The following STARD9 variants were observed in gnomAD, a reference collection of about 807,000 sequenced individuals.
STARD9 encodes the protein StAR related lipid transfer domain containing 9.
A neutral mutation model predicts 399.8 loss-of-function variants in STARD9; 346 were observed. That is an observed-to-expected ratio of 0.87 (90% CI 0.79 to 0.95). STARD9 has a LOEUF of 0.95. Ranked by LOEUF, STARD9 falls within the 40% of genes least tolerant of loss-of-function variation. The pLI is 0.00. For synonymous variants in STARD9, 2,203 were observed against 2,143.5 expected, an observed-to-expected ratio of 1.03 and a Z score of -0.77; for missense variants, 5,832 against 5,667.5, an observed-to-expected ratio of 1.03 and a Z score of -0.93.
chr15:42,695,862 C>G lies in STARD9; in HGVS notation c.13266C>G (p.Leu4422=). 2 of 1,537,144 alleles carry G rather than the reference C, an allele frequency of 1.3e-6. No individual in the cohort carries two copies. Among genetic ancestry groups the G allele is most frequent in the South Asian group, 2.4e-5 (2 of 84,042 alleles). ...YNSSPALSGQ[L]QFPENMGHTN... ...GCAGCCCAGCCTTGTCAGGCCAGCT[C>G]CAGTTCCCAGAGAATATGGTGAGTA... Residue 4422 remains leucine, a synonymous_variant, in exon 26 of 33, where the codon CTC becomes CTG. Coordinates refer to ENST00000290607, the MANE Select transcript of STARD9 (RefSeq NM_020759.3).
chr15:42,679,928 G>A (rs1195620760), intron 20 of STARD9, among the ~76,000 whole-genome samples: 1 of 152,168 alleles, frequency 6.6e-6, no homozygotes, highest in Non-Finnish European at 1.5e-5. Flanking sequence ...TACAGCGTAT[G>A]GGTCATACTG....
rs71108173 is a variant in STARD9 at position 42,620,727 on chromosome 15, CTTTTATTTTATTTTATTTTATTTTA to C, written c.235-14109_235-14085del. 8.3e-3 allele frequency among the ~76,000 whole-genome samples: 1,185 copies of C among 142,590 alleles called. 10 individuals carry two copies. Among genetic ancestry groups the C allele is most frequent in the African/African-American group, 0.028 (1,131 of 39,830 alleles). The allele number at this position is 142,590 out of a possible 152,430, so 93.5% of individuals were successfully genotyped here. A position where few individuals can be genotyped will look rare whatever the true frequency, so the allele number is the denominator to read the frequency against. On this transcript the variant is annotated intron_variant, in intron 3 of 32. Coordinates refer to ENST00000290607, the MANE Select transcript of STARD9 (RefSeq NM_020759.3). Reference sequence around the variant, plus strand: ...AGGCCAATTATTTTGTAGAATGTCCCTTTTATTTTATTTTATTTTATTTTATTTTATTTTATTTTATTTTGGAGAC... The same window carrying C: ...AGGCCAATTATTTTGTAGAATGTCCCTTTTATTTTATTTTATTTTGGAGAC...
At chr15:42,704,010 C>A (rs945057410) in intron 26 of STARD9, among the ~76,000 whole-genome samples, 3 of 152,062 alleles carry the variant, frequency 2.0e-5, no homozygotes, top group African/African-American at 7.2e-5. Flanking sequence ...CGGGTTCAAG[C>A]GATTCTCCTG....
At chr15:42,602,843 C>T (rs572280776) in intron 3 of STARD9, among the ~76,000 whole-genome samples, 1 of 152,204 alleles carries the variant, frequency 6.6e-6, no homozygotes, top group African/African-American at 2.4e-5. Flanking sequence ...GCCAAGACCC[C>T]CAACTCCTTC....
In STARD9 at chr15:42,682,543, A is replaced by G. The variant is rs1566931485; in HGVS notation, c.2505A>G (p.Arg835=). Residue 835 remains arginine (R), a synonymous_variant, in exon 22 of 33, where the codon AGA becomes AGG. Coordinates refer to ENST00000290607, the MANE Select transcript of STARD9 (RefSeq NM_020759.3). The stretch of plus-strand genomic sequence containing the variant: ...GTTGCAGTTCTTTGAGCCCCCAAAG[A>G]CTCTGCAGCAAGCACATGCCCCAGC... The part of the protein sequence containing the change: ...LTSCSSLSPQ[R]LCSKHMPQLH... The G allele has an allele frequency of 2.0e-6, 3 of 1,536,478 alleles. No homozygotes were observed. In the Admixed American group the frequency reaches 5.9e-5, roughly 30 times the overall value.
At chr15:42,716,651 T>C in intron 26 of STARD9, 26 bp from the exon 27 acceptor site, 1 of 1,433,206 alleles carries the variant, frequency 7.0e-7, no homozygotes, top group South Asian at 1.2e-5. Context: ...CTTCTGGCTC[T>C]GTCCTGAGTA....
intron 26 of STARD9, among the ~76,000 whole-genome samples, chr15:42,704,061 C>T (rs1780818475): frequency 6.6e-6 from 1 of 152,096 alleles, no homozygotes; most frequent in African/African-American, 2.4e-5. Context: ...GCACCTGACA[C>T]AGCGCCCGGC....
chr15:42,677,705 A>G (rs1053074086), intron 20 of STARD9, among the ~76,000 whole-genome samples: 7 of 152,326 alleles, frequency 4.6e-5, no homozygotes, highest in African/African-American at 7.2e-5. Context: ...AGGCAAGTCA[A>G]TGAACCTCTG....
chr15:42,701,948 T>G (rs1419414404), intron 26 of STARD9, among the ~76,000 whole-genome samples: 1 of 127,502 alleles, frequency 7.8e-6, no homozygotes, highest in Admixed American at 9.5e-5. Context: ...TGACCCGAGA[T>G]CATCATTGCA....
intron 32 of STARD9, 117 bp downstream of exon 32, chr15:42,719,027 A>G (rs2061403214): frequency 1.1e-6 from 1 of 918,362 alleles, no homozygotes; most frequent in Admixed American, 2.6e-5. Context: ...TTGGCCTGAG[A>G]CCTGGAGACT....
chr15:42,618,089 T>G (rs1452451466), intron 3 of STARD9, among the ~76,000 whole-genome samples: 2 of 152,090 alleles, frequency 1.3e-5, no homozygotes, highest in Non-Finnish European at 2.9e-5. Context: ...ACTTTATGTA[T>G]TTAGTAGTAT....
At chr15:42,711,872 C>G (rs1411295426) in intron 26 of STARD9, among the ~76,000 whole-genome samples, 4 of 148,674 alleles carry the variant, frequency 2.7e-5, no homozygotes, top group Admixed American at 2.1e-4. Context: ...AGAGGAACTG[C>G]CAGACTGTTT....
chr15:42,647,606 C>T (rs1323507167), intron 7 of STARD9, among the ~76,000 whole-genome samples: 2 of 151,990 alleles, frequency 1.3e-5, no homozygotes, highest in African/African-American at 4.8e-5. Context: ...CTTTTACTTT[C>T]AGTTTTCTAT....
Position 42,638,088 on chromosome 15 carries a change from G to A in STARD9, c.446+1G>A. On this transcript the variant is annotated splice_donor_variant, in intron 6 of 32. Coordinates refer to ENST00000290607, the MANE Select transcript of STARD9 (RefSeq NM_020759.3). LOFTEE classifies it high-confidence loss of function. ...CTTCCTCCTGTAGGATAAAAGTAAG[G>A]TAAGAACCTCCCAAGCTCTGGGACC... is the stretch of plus-strand genomic sequence containing the variant. 6.5e-7 allele frequency: 1 copy of A among 1,536,638 alleles called. No individual in the cohort carries two copies.
intron 4 of STARD9, among the ~76,000 whole-genome samples, chr15:42,637,286 C>T (rs2059438212): frequency 6.6e-6 from 1 of 152,110 alleles, no homozygotes; most frequent in South Asian, 2.1e-4. Flanking sequence ...GATCTCAGCT[C>T]ATTGCAGCCT....
At chr15:42,606,235 G>A (rs1029199393) in intron 3 of STARD9, among the ~76,000 whole-genome samples, 9 of 152,168 alleles carry the variant, frequency 5.9e-5, no homozygotes, top group African/African-American at 1.9e-4. Context: ...CCCAGTTTTA[G>A]TCCATTCTAC....
At chr15:42,580,808 C>G (rs952460594) in intron 1 of STARD9, among the ~76,000 whole-genome samples, 1 of 152,032 alleles carries the variant, frequency 6.6e-6, no homozygotes, top group Non-Finnish European at 1.5e-5. Flanking sequence ...CAGAGCAAGA[C>G]TTTGTCTAAA....
Position 42,691,160 on chromosome 15 carries a change from A to G in STARD9, c.9582A>G (p.Val3194=), listed in dbSNP as rs1250748017. Residue 3194 remains valine (V), a synonymous_variant, in exon 23 of 33, where the codon GTA becomes GTG. Coordinates refer to ENST00000290607, the MANE Select transcript of STARD9 (RefSeq NM_020759.3). ...GCTTGGATTCCCAAGCCAAGTTTGT[A>G]GCAAGGTTAAAACATACCTGCAGCC... is the stretch of plus-strand genomic sequence containing the variant. ...HNRLDSQAKF[V]ARLKHTCSPQ... 5.9e-6 allele frequency: 9 copies of G among 1,537,160 alleles called. No homozygotes were observed. The highest frequency in any genetic ancestry group is 7.0e-6 in the Non-Finnish European group (8 of 1,146,918).
In STARD9 at chr15:42,638,138, A is replaced by G. The variant is rs527240814; in HGVS notation, c.446+51A>G. The G allele has an allele frequency of 3.7e-5, 55 of 1,468,108 alleles. No homozygotes were observed. The South Asian group carries it at 4.2e-4, about 11-fold the overall frequency. 90.9% of individuals were successfully genotyped at this position (1,468,108 alleles called of 1,614,324 possible). On this transcript the variant is annotated intron_variant, in intron 6 of 32. Transcript: ENST00000290607. ...CTACAGTAGTTCTTCTTCTACTCCA[A>G]ATTCTACCATGTTCAGCTGTCCTCT...
Sources: allele counts gnomAD v4.1 joint callset (sites outside exome capture counted in the v4.1 genomes callset), GRCh38; gene constraint gnomAD v4.1.1; transcripts MANE v1.5; gene names NCBI Gene and HGNC (gene_info 2026-07-23, HGNC 2026-07-21).